The following MGST1 variants were observed in gnomAD, a reference collection of about 807,000 sequenced individuals.
MGST1 encodes the protein microsomal glutathione S-transferase 1.
In MGST1, 5 loss-of-function variants were observed where a neutral mutation model predicts 8.9. The observed-to-expected ratio is 0.56, with a 90% CI of 0.29 to 1.19. The LOEUF (loss-of-function observed/expected upper bound fraction) is 1.19. Among genes scored for constraint, MGST1 ranks in the 50% most tolerant of loss-of-function variants. The probability of loss-of-function intolerance (pLI) is 0.08; values close to 1 mark genes in which losing one functional copy is unlikely to be tolerated. For missense variants in MGST1, 182 were observed against 187.4 expected (o/e 0.97, Z 0.17); for synonymous variants, 54 against 67.8 (o/e 0.80, Z 1.00).
intron 4 of MGST1, chr12:16,550,922 A>C (rs1371856434): frequency 3.9e-6 from 1 of 258,356 alleles, no homozygotes; most frequent in African/African-American, 2.2e-5. Flanking sequence ...AAATATTACA[A>C]TACATTATAT....
At chr12:16,525,894 GT>G (rs1428463449) in intron 4 of MGST1, among the ~76,000 whole-genome samples, 2 of 150,238 alleles carry the variant, frequency 1.3e-5, no homozygotes, top group East Asian at 3.9e-4. Flanking sequence ...CTGATGGCCA[GT>G]GATGGTGAGC....
At chr12:16,499,962 G>T (rs1020548070) in intron 4 of MGST1, among the ~76,000 whole-genome samples, 1 of 152,042 alleles carries the variant, frequency 6.6e-6, no homozygotes, top group Non-Finnish European at 1.5e-5. Context: ...AATGTTAAAG[G>T]TACAATGAGA....
intron 4 of MGST1, among the ~76,000 whole-genome samples, chr12:16,452,701 G>A (rs2137114642): frequency 6.6e-6 from 1 of 151,924 alleles, no homozygotes; most frequent in Non-Finnish European, 1.5e-5. Context: ...TAGGAGTGAT[G>A]TTTTTAATTA....
chr12:16,391,478 C>T (rs1400497157), intron 1 of MGST1, among the ~76,000 whole-genome samples: 1 of 152,048 alleles, frequency 6.6e-6, no homozygotes, highest in African/African-American at 2.4e-5. Flanking sequence ...CACCCATGTT[C>T]CTGCAAAGGA....
chr12:16,514,972 A>G (rs1283451595), intron 4 of MGST1, among the ~76,000 whole-genome samples: 1 of 152,190 alleles, frequency 6.6e-6, no homozygotes, highest in Non-Finnish European at 1.5e-5. Context: ...AAACCTGTCA[A>G]TTATGCTATT....
chr12:16,505,267 A>G (rs1485017882), intron 4 of MGST1, among the ~76,000 whole-genome samples: 1 of 152,186 alleles, frequency 6.6e-6, no homozygotes, highest in Admixed American at 6.5e-5. Flanking sequence ...TGCCTGTTCA[A>G]TAAGCATATA....
chr12:16,446,401 G>GGTCATTTTAATTTAAATTTAAA (rs1941079848), intron 4 of MGST1, among the ~76,000 whole-genome samples: 1 of 151,882 alleles, frequency 6.6e-6, no homozygotes, highest in Admixed American at 6.6e-5. Flanking sequence ...ATGGAGAAAT[G>GGTCATTTTAATTTAAATTTAAA]ACCATGACTT....
chr12:16,382,227 T>C (rs1012342319), upstream of MGST1, among the ~76,000 whole-genome samples: 1 of 152,068 alleles, frequency 6.6e-6, no homozygotes, highest in Non-Finnish European at 1.5e-5. Context: ...ATTTTTAGAG[T>C]TTCTAGTTTT....
Position 16,363,845 on chromosome 12 carries a change from T to A in MGST1, c.272T>A (p.Leu91His). 1 of 1,612,480 alleles carries A rather than the reference T, an allele frequency of 6.2e-7. No individual in the cohort carries two copies. Among genetic ancestry groups the A allele is most frequent in the South Asian group, 1.1e-5 (1 of 90,974 alleles). ...ATTATTCCATTTCTTGGAATTGGCC[T>A]CCTGTATTCCTTGAGTGGTCCCGAC... ...ENIIPFLGIGLLYSLSGPDPS... is the reference protein window; with the variant it reads ...ENIIPFLGIGHLYSLSGPDPS... Residue 91 changes from leucine (L) to histidine (H), a missense_variant, in exon 4 of 4, where the codon CTC (leucine) becomes CAC (histidine). Leu to His is a moderately conservative substitution (Grantham distance 99). Coordinates refer to ENST00000396210, the MANE Select transcript of MGST1 (RefSeq NM_020300.5). This position sits in a 1 kb window ranked among gnomAD's most constrained non-coding sequence, Gnocchi z 4.6.
chr12:16,407,805 A>G (rs1940708397), intron 1 of MGST1, among the ~76,000 whole-genome samples: 1 of 152,074 alleles, frequency 6.6e-6, no homozygotes, highest in Non-Finnish European at 1.5e-5. Context: ...AGGCCAAGGC[A>G]GGCGGATCAC....
rs2137181988 is a variant in MGST1, at chr12:16,513,959, A to G, written n.483-75569A>G. 1.9e-6 allele frequency: 1 copy of G among 515,950 alleles called. No individual in the cohort carries two copies. The highest frequency in any genetic ancestry group is 1.8e-5 in the South Asian group (1 of 55,644). The allele number at this position is 515,950 out of a possible 1,614,324, so 32.0% of individuals were successfully genotyped here. ...AAGACTTGCGGTTTTGACTTCACAG[A>G]CACTGTGGAGGACATTTCAAAAACA... On this transcript the variant is annotated intron_variant and non_coding_transcript_variant, in intron 4 of 4. Coordinates refer to the MGST1 transcript ENST00000538857. The surrounding 1 kb of genome is among the most constrained non-coding windows in gnomAD (Gnocchi z 4.2).
intron 4 of MGST1, among the ~76,000 whole-genome samples, chr12:16,516,225 A>G (rs891387693): frequency 1.3e-5 from 2 of 152,278 alleles, no homozygotes; most frequent in Middle Eastern, 6.8e-3. Context: ...AGTCTGACAC[A>G]TCTTTTACAT....
At chr12:16,567,427 T>C (rs1407108816) in intron 4 of MGST1, 2 of 152,378 alleles carry the variant, frequency 1.3e-5, no homozygotes, top group African/African-American at 4.8e-5. Flanking sequence ...CGAGAAGTGC[T>C]CTACAATAAA....
chr12:16,577,633 A>C (rs1943035542), intron 4 of MGST1, among the ~76,000 whole-genome samples: 1 of 152,192 alleles, frequency 6.6e-6, no homozygotes, highest in African/African-American at 2.4e-5. Flanking sequence ...ACAAGTAAGA[A>C]TAATAACAAA....
intron 4 of MGST1, among the ~76,000 whole-genome samples, chr12:16,444,069 T>C (rs1941059575): frequency 6.6e-6 from 1 of 151,834 alleles, no homozygotes; most frequent in East Asian, 1.9e-4. Context: ...TGAGTAGTAT[T>C]CCATGATGTT....
At chr12:16,579,336 G>A (rs536284375) in intron 4 of MGST1, among the ~76,000 whole-genome samples, 140 of 152,308 alleles carry the variant, frequency 9.2e-4, no homozygotes, top group African/African-American at 3.2e-3. Context: ...TTCACAAGGA[G>A]GTCTTTGGTG....
At chr12:16,426,498 T>G (rs182122271) in intron 1 of MGST1, among the ~76,000 whole-genome samples, 92 of 152,354 alleles carry the variant, frequency 6.0e-4, no homozygotes, top group African/African-American at 2.2e-3. Context: ...AAATTTTTAT[T>G]GCATTCATTC....
At chr12:16,552,580 G>T (rs1237290794) in intron 4 of MGST1, among the ~76,000 whole-genome samples, 1 of 151,992 alleles carries the variant, frequency 6.6e-6, no homozygotes, top group South Asian at 2.1e-4. Context: ...TAGATAGAGA[G>T]GAAAATAGTG....
At chr12:16,538,357 A>G (rs2137209086) in intron 4 of MGST1, among the ~76,000 whole-genome samples, 1 of 152,102 alleles carries the variant, frequency 6.6e-6, no homozygotes, top group South Asian at 2.1e-4. Flanking sequence ...ACTTTCCCAC[A>G]TTTCCTGTCT....
Sources: gnomAD v4.1 joint callset for allele counts (sites outside exome capture counted in the v4.1 genomes callset) on GRCh38, gnomAD v4.1.1 for gene constraint, Gnocchi (gnomAD v3.1) non-coding constraint, MANE v1.5 for transcripts, NCBI Gene and HGNC (gene_info 2026-07-23, HGNC 2026-07-21) for gene names.